The following LARS1 variants were observed in gnomAD, a reference collection of about 807,000 sequenced individuals.
LARS1 encodes leucine--tRNA ligase, cytoplasmic.
A neutral mutation model predicts 162.8 loss-of-function variants in LARS1; 100 were observed. That is an observed-to-expected ratio of 0.61 (90% CI 0.52 to 0.73). The LOEUF is 0.73. LARS1 is among the 30% of genes least tolerant of loss of function. The pLI is 0.00. For missense variants in LARS1, 1,258 were observed against 1,408.9 expected, an observed-to-expected ratio of 0.89 and a Z score of 1.71; for synonymous variants, 457 against 462.8, an observed-to-expected ratio of 0.99 and a Z score of 0.16.
intron 31 of LARS1, 163 bp downstream of exon 31, chr5:146,120,208 G>C: frequency 1.4e-6 from 1 of 734,456 alleles, no homozygotes; most frequent in Non-Finnish European, 2.2e-6. Flanking sequence ...CCTAGCCACA[G>C]AGTCCCAAAA....
chr5:146,115,581 CAAAAAA>C (rs58644900), intron 31 of LARS1, among the ~76,000 whole-genome samples: 13 of 20,584 alleles, frequency 6.3e-4, no homozygotes, highest in African/African-American at 1.5e-3. Flanking sequence ...AGCGCCTGAC[CAAAAAA>C]AAAAAAAAAA....
At chr5:146,149,765 C>G in intron 14 of LARS1, 66 bp from the exon 15 acceptor site, 2 of 1,134,550 alleles carry the variant, frequency 1.8e-6, no homozygotes. Flanking sequence ...AGTTTCTTTC[C>G]TAATTTTCCC....
In LARS1 at chr5:146,164,314, A is replaced by G; in HGVS notation, c.590T>C (p.Leu197Ser). 1 of 1,613,810 alleles carries G rather than the reference A, an allele frequency of 6.2e-7. No homozygotes were observed. Among genetic ancestry groups the G allele is most frequent in the Middle Eastern group, 1.7e-4 (1 of 6,056 alleles). Residue 197 changes from leucine (L) to serine (S), a missense_variant, in exon 6 of 32, where the codon TTG becomes TCG. Transcript: ENST00000394434. Reference sequence around the variant, plus strand: ...ATATTTCCTTTATAGACATACCTTCAAACCCATTCTTTTTAAATCCTGAAT... The same window carrying G: ...ATATTTCCTTTATAGACATACCTTCGAACCCATTCTTTTTAAATCCTGAAT... ...LAIQDLKRMG[L>S]KVDWRRSFIT...
intron 4 of LARS1, among the ~76,000 whole-genome samples, chr5:146,168,885 A>T (rs1216408653): frequency 1.3e-5 from 2 of 151,852 alleles, no homozygotes; most frequent in East Asian, 3.9e-4. Flanking sequence ...ATTTTGGATA[A>T]CATTAATAAC....
At chr5:146,179,224 C>T (rs943398442) in intron 1 of LARS1, among the ~76,000 whole-genome samples, 3 of 152,154 alleles carry the variant, frequency 2.0e-5, no homozygotes, top group African/African-American at 4.8e-5. Flanking sequence ...ACAGCAAGAC[C>T]AATCTCAGCT....
In LARS1 at chr5:146,151,903, C is replaced by G. The variant is rs764861393; in HGVS notation, c.1384G>C (p.Glu462Gln). 6.2e-7 allele frequency: 1 copy of G among 1,614,108 alleles called. No individual in the cohort carries two copies. The highest frequency in any genetic ancestry group is 1.1e-5 in the South Asian group (1 of 91,086). ...QSQNDREKLA[E>Q]AKEKIYLKGF... ...TTTAGATATATCTTCTCCTTTGCTT[C>G]TGCAAGTTTTTCCCGGTCATTCTGG... Residue 462 changes from glutamate (E) to glutamine (Q), a missense_variant, in exon 14 of 32, where the codon GAA (glutamate) becomes CAA (glutamine). Physicochemically the swap from Glu to Gln is conservative, Grantham distance 29 (BLOSUM62 2). Coordinates refer to ENST00000394434, the MANE Select transcript of LARS1 (RefSeq NM_020117.11).
rs149744353 is a variant in LARS1 at position 146,168,263 on chromosome 5, T to C, written c.297A>G (p.Ala99=). Residue 99 remains alanine (A), a splice_region_variant and synonymous_variant, in exon 5 of 32, where the codon GCA becomes GCG. Transcript: ENST00000394434. ...TTTCTCTTTTCAACTTATCAGCACA[T>C]GCCTACAACGAATATTAGAGATAAT... ...GLHCTGMPIK[A]CADKLKREIE... 3.1e-6 allele frequency: 5 copies of C among 1,603,950 alleles called. No homozygotes were observed. The African/African-American group carries it at 4.0e-5, about 13-fold the overall frequency.
chr5:146,176,615 C>A (rs1302453968), intron 2 of LARS1, among the ~76,000 whole-genome samples: 1 of 152,088 alleles, frequency 6.6e-6, no homozygotes, highest in Non-Finnish European at 1.5e-5. Flanking sequence ...AGCACATTTT[C>A]TTACATCTCA....
chr5:146,118,290 TCA>T (rs1751661195), intron 31 of LARS1, among the ~76,000 whole-genome samples: 1 of 152,160 alleles, frequency 6.6e-6, no homozygotes, highest in Non-Finnish European at 1.5e-5. Flanking sequence ...ATGATCTCAC[TCA>T]CATGTGGAAT....
chr5:146,163,357 T>C (rs1396737291), intron 6 of LARS1, among the ~76,000 whole-genome samples: 1 of 152,166 alleles, frequency 6.6e-6, no homozygotes, highest in Non-Finnish European at 1.5e-5. Context: ...ATCATTCATG[T>C]GTTTACTGGA....
At chr5:146,176,504 T>G (rs1049048111) in intron 2 of LARS1, among the ~76,000 whole-genome samples, 3 of 150,534 alleles carry the variant, frequency 2.0e-5, no homozygotes, top group Non-Finnish European at 3.0e-5. Context: ...AGAGTATACA[T>G]GTAAAAAAAT....
intron 3 of LARS1, among the ~76,000 whole-genome samples, 188 bp downstream of exon 3, chr5:146,172,499 A>T (rs958134755): frequency 2.0e-5 from 3 of 152,100 alleles, no homozygotes; most frequent in Admixed American, 2.0e-4. Flanking sequence ...CTGGTGACAA[A>T]GCAAGACTCC....
Position 146,149,626 on chromosome 5 carries a change from T to C in LARS1, c.1499A>G (p.Asp500Gly). 1 of 1,609,406 alleles carries C rather than the reference T, an allele frequency of 6.2e-7. No individual in the cohort carries two copies. Among genetic ancestry groups the C allele is most frequent in the Non-Finnish European group, 8.5e-7 (1 of 1,175,844 alleles). ...AGAGCATAGCCTATCACATACAGCG[T>C]CAATCATCTTTTTCTGAATAGTCTT... The part of the protein sequence containing the change: ...VKKTIQKKMI[D>G]AGDALIYMEP... The change falls in exon 15 of 32, where the codon GAC (aspartate) becomes GGC (glycine). Residue 500 changes from aspartate to glycine, a missense_variant. Physicochemically the swap from Asp to Gly is moderately conservative, Grantham distance 94. Transcript: ENST00000394434.
chr5:146,143,510 T>C lies in LARS1; in HGVS notation c.1779A>G (p.Ser593=). ...LPWDEQWLIE[S]LSDSTIYMAF... ...CCATGTAAATAGTGGAGTCAGAAAG[T>C]GATTCAATCAGCCACTGCTCATCCC... The change falls in exon 19 of 32, where the codon TCA becomes TCG. Residue 593 remains serine (S), a synonymous_variant. Coordinates refer to ENST00000394434, the MANE Select transcript of LARS1 (RefSeq NM_020117.11). 6.2e-7 allele frequency: 1 copy of C among 1,613,960 alleles called. No homozygotes were observed. Among genetic ancestry groups the C allele is most frequent in the South Asian group, 1.1e-5 (1 of 91,072 alleles).
chr5:146,135,652 T>C lies in LARS1; in HGVS notation c.2161A>G (p.Thr721Ala). ...LLNSEKMSKSTGNFLTLTQAI... is the reference protein window; with the variant it reads ...LLNSEKMSKSAGNFLTLTQAI... ...TGGGTCAAAGTGAGGAAGTTGCCTG[T>C]GGATTTTGACATCTGAAATAGAGAG... is the stretch of plus-strand genomic sequence containing the variant. Residue 721 changes from threonine to alanine, a missense_variant, in exon 22 of 32, where the codon ACA becomes GCA. By Grantham distance (58) the Thr-to-Ala change is moderately conservative (BLOSUM62 0). Transcript: ENST00000394434. The C allele has an allele frequency of 6.3e-7, 1 of 1,597,276 alleles. No homozygotes were observed. The highest frequency in any genetic ancestry group is 8.5e-7 in the Non-Finnish European group (1 of 1,175,008).
chr5:146,169,234 G>T (rs1754152573), intron 4 of LARS1, among the ~76,000 whole-genome samples: 1 of 152,090 alleles, frequency 6.6e-6, no homozygotes, highest in African/African-American at 2.4e-5. Flanking sequence ...ATTTACCCAA[G>T]GTCATACAGC....
intron 30 of LARS1, 92 bp from the exon 31 acceptor site, chr5:146,120,595 G>T: frequency 1.7e-6 from 2 of 1,203,124 alleles, no homozygotes; most frequent in Admixed American, 2.3e-5. Flanking sequence ...ATGAAAGACA[G>T]ATCTAATTCT....
At chr5:146,161,368 T>C (rs1398502603) in intron 6 of LARS1, among the ~76,000 whole-genome samples, 2 of 152,142 alleles carry the variant, frequency 1.3e-5, no homozygotes, top group African/African-American at 4.8e-5. Context: ...TGACTCTTCC[T>C]TTCACAAAGA....
intron 29 of LARS1, 112 bp downstream of exon 29, chr5:146,123,870 A>T (rs1354074222): frequency 1.9e-6 from 1 of 515,522 alleles, no homozygotes; most frequent in Non-Finnish European, 3.3e-6. Context: ...ATATTTAACA[A>T]AGATACTAAA....
Sources: gnomAD v4.1 joint callset for allele counts (sites outside exome capture counted in the v4.1 genomes callset) on GRCh38, gnomAD v4.1.1 for gene constraint, MANE v1.5 for transcripts, NCBI Gene and HGNC (gene_info 2026-07-23, HGNC 2026-07-21) for gene names.